LRP1B: variants seen among roughly 807,000 people sequenced by gnomAD.
The protein encoded by LRP1B is low-density lipoprotein receptor-related protein 1B.
LRP1B carries 217 observed loss-of-function variants against 556.6 expected under a neutral mutation model. The ratio of observed to expected loss-of-function variants is 0.39; its 90% CI spans 0.35 to 0.44. The LOEUF is 0.44. Ranked by LOEUF, LRP1B falls within the 20% of genes least tolerant of loss-of-function variation. The probability of loss-of-function intolerance (pLI) is 1.00; values close to 1 mark genes in which losing one functional copy is unlikely to be tolerated. For synonymous variants in LRP1B, 2,047 were observed against 1,865.8 expected, an observed-to-expected ratio of 1.10 and a Z score of -2.50; for missense variants, 5,053 against 5,620.8, an observed-to-expected ratio of 0.90 and a Z score of 3.23.
rs1707160474 is a variant in LRP1B, at chr2:142,115,492, TATATATAATATATATTATATATTAC to T, written c.82+15131_82+15155del. Among the ~76,000 whole-genome samples, 2 of 83,550 alleles carry T rather than the reference TATATATAATATATATTATATATTAC, an allele frequency of 2.4e-5. 1 individual carries two copies. The highest frequency in any genetic ancestry group is 9.0e-5 in the African/African-American group (2 of 22,250). The allele number at this position is 83,550 out of a possible 152,430, so 54.8% of individuals were successfully genotyped here. On this transcript the variant is annotated intron_variant, in intron 1 of 90. Transcript: ENST00000389484. ...ATATTACATACATATAATATATAAT[TATATATAATATATATTATATATTAC>T]ATATATAATATATATATTACATATG... is the stretch of plus-strand genomic sequence containing the variant.
intron 7 of LRP1B, among the ~76,000 whole-genome samples, chr2:141,174,614 C>T (rs571762133): frequency 2.2e-4 from 34 of 152,160 alleles, no homozygotes; most frequent in African/African-American, 8.2e-4. Flanking sequence ...TCTGTTAAGT[C>T]GGAGGAACTA....
At chr2:141,725,508 G>C (rs895982291) in intron 2 of LRP1B, among the ~76,000 whole-genome samples, 4 of 151,856 alleles carry the variant, frequency 2.6e-5, no homozygotes, top group African/African-American at 9.7e-5. Flanking sequence ...ACTTATTAAA[G>C]TTGCAACAAG....
chr2:141,315,567 G>A (rs1164934654), intron 3 of LRP1B, among the ~76,000 whole-genome samples: 1 of 151,468 alleles, frequency 6.6e-6, no homozygotes. Flanking sequence ...CCGAATGATT[G>A]TATTTTATAA....
At chr2:141,510,277 A>G (rs1465050248) in intron 2 of LRP1B, among the ~76,000 whole-genome samples, 1 of 151,770 alleles carries the variant, frequency 6.6e-6, no homozygotes, top group East Asian at 1.9e-4. Context: ...ATATACACAT[A>G]TACGTATGTG....
chr2:140,685,986 C>CA (rs1686035522), intron 41 of LRP1B, among the ~76,000 whole-genome samples: 1 of 151,916 alleles, frequency 6.6e-6, no homozygotes, highest in Non-Finnish European at 1.5e-5. Context: ...GGCTGCAGCG[C>CA]AAAAAAGACT....
chr2:141,897,743 T>G (rs966939633), intron 1 of LRP1B, among the ~76,000 whole-genome samples: 1 of 152,158 alleles, frequency 6.6e-6, no homozygotes, highest in Non-Finnish European at 1.5e-5. Context: ...AATACTCAGT[T>G]TTTTTAGCCA....
intron 1 of LRP1B, among the ~76,000 whole-genome samples, chr2:141,980,479 G>T (rs1203613761): frequency 2.0e-5 from 3 of 152,012 alleles, no homozygotes; most frequent in Non-Finnish European, 2.9e-5. Flanking sequence ...TTTTACTAGA[G>T]ATTTACCCCT....
intron 1 of LRP1B, among the ~76,000 whole-genome samples, chr2:141,975,649 T>C (rs2105084529): frequency 6.6e-6 from 1 of 152,230 alleles, no homozygotes; most frequent in Non-Finnish European, 1.5e-5. Flanking sequence ...AATTTGTCTT[T>C]TTCTATTCAT....
At chr2:141,347,307 T>C (rs1688287432) in intron 3 of LRP1B, among the ~76,000 whole-genome samples, 1 of 151,964 alleles carries the variant, frequency 6.6e-6, no homozygotes, top group South Asian at 2.1e-4. Context: ...GTAATTGTAA[T>C]AACAAAAAAA....
rs1430779067 is a variant in LRP1B at position 141,989,643 on chromosome 2, T to C, written c.82+141005A>G. On this transcript the variant is annotated intron_variant, in intron 1 of 90. Transcript: ENST00000389484. ...GGACCAGGTAGAGAAAACTGAATCA[T>C]GGGCGTGGTTTCCTCCATTCTGTTC... Among the ~76,000 whole-genome samples the C allele has an allele frequency of 5.9e-5, 9 of 152,134 alleles. No homozygotes were observed. In the East Asian group the frequency reaches 1.5e-3, roughly 26 times the overall value.
At chr2:141,351,380 C>T (rs1425158807) in intron 3 of LRP1B, among the ~76,000 whole-genome samples, 1 of 151,928 alleles carries the variant, frequency 6.6e-6, no homozygotes, top group African/African-American at 2.4e-5. Context: ...ATTCATTTTC[C>T]ATTATTTCTT....
At chr2:141,200,044 T>G (rs1382543021) in intron 6 of LRP1B, among the ~76,000 whole-genome samples, 1 of 152,184 alleles carries the variant, frequency 6.6e-6, no homozygotes, top group Non-Finnish European at 1.5e-5. Context: ...AAAGTAGAAC[T>G]ACCATTGGAC....
intron 2 of LRP1B, among the ~76,000 whole-genome samples, chr2:141,497,188 C>G (rs1683538939): frequency 6.6e-6 from 1 of 151,980 alleles, no homozygotes. Flanking sequence ...TTTCTTCTTA[C>G]TTTCATTTGT....
At position 141,876,202 on chromosome 2, in the gene LRP1B, C is replaced by T. The variant is rs183656656; in HGVS notation, c.83-65801G>A. Among the ~76,000 whole-genome samples, 353 of 152,018 alleles carry T rather than the reference C, an allele frequency of 2.3e-3. 2 individuals are homozygous for T. Among genetic ancestry groups the T allele is most frequent in the African/African-American group, 7.9e-3 (326 of 41,502 alleles). ...AAATCTTATGCAATATTTTGCTTAG[C>T]TAGAAAGTTTGAGCTCCAAATGGAA... is the stretch of plus-strand genomic sequence containing the variant. On this transcript the variant is annotated intron_variant, in intron 1 of 90. Transcript: ENST00000389484.
chr2:142,111,964 A>G (rs535840140), intron 1 of LRP1B, among the ~76,000 whole-genome samples: 1 of 152,104 alleles, frequency 6.6e-6, no homozygotes, highest in East Asian at 1.9e-4. Context: ...TCACAGTGCT[A>G]TATAAGTGCA....
intron 35 of LRP1B, among the ~76,000 whole-genome samples, chr2:140,748,483 T>C (rs1377400044): frequency 1.8e-5 from 2 of 112,670 alleles, no homozygotes; most frequent in African/African-American, 6.6e-5. Flanking sequence ...AAAAAATTCC[T>C]AGCAATAATA....
intron 2 of LRP1B, among the ~76,000 whole-genome samples, chr2:141,795,885 TATATATATATATATA>T (rs1245358408): frequency 9.3e-5 from 7 of 75,196 alleles, no homozygotes; most frequent in African/African-American, 3.3e-4. Context: ...TATATATATA[TATATATATATATATA>T]ATCTTTAAGC....
intron 59 of LRP1B, among the ~76,000 whole-genome samples, chr2:140,477,067 A>G (rs1198642933): frequency 2.0e-5 from 3 of 152,096 alleles, no homozygotes; most frequent in African/African-American, 7.2e-5. Flanking sequence ...CATACAATTC[A>G]GTACTTTCCA....
intron 43 of LRP1B, chr2:140,586,724 CT>C (rs1217222971): frequency 6.6e-6 from 1 of 152,196 alleles, no homozygotes; most frequent in African/African-American, 2.4e-5. Flanking sequence ...GCACCCCTCA[CT>C]TTCCCCTCCT....
Sources: gnomAD v4.1 joint callset for allele counts (sites outside exome capture counted in the v4.1 genomes callset) on GRCh38, gnomAD v4.1.1 for gene constraint, MANE v1.5 for transcripts, NCBI Gene and HGNC (gene_info 2026-07-23, HGNC 2026-07-21) for gene names.